The following CHM variants were observed in gnomAD, a reference collection of about 807,000 sequenced individuals.
The protein encoded by CHM is CHM Rab escort protein, also known as rab proteins geranylgeranyltransferase component A 1.
In CHM, 10 loss-of-function variants were observed where a neutral mutation model predicts 49.0. That is an observed-to-expected ratio of 0.20 (90% CI 0.13 to 0.35). CHM has a LOEUF of 0.35. Ranked by LOEUF, CHM falls within the 10% of genes least tolerant of loss-of-function variation. The pLI is 1.00. For missense variants in CHM, 455 were observed against 478.4 expected (o/e 0.95, Z 0.46); for synonymous variants, 184 against 167.5 (o/e 1.10, Z -0.76).
intron 2 of CHM, among the ~76,000 whole-genome samples, chrX:86,021,095 CAT>C (rs1234561861): frequency 2.4e-5 from 2 of 82,061 alleles, no homozygotes; most frequent in African/African-American, 4.6e-5. Flanking sequence ...TATATATACA[CAT>C]ATATATACGT....
intron 1 of CHM, among the ~76,000 whole-genome samples, chrX:86,029,209 C>T (rs1348323108): frequency 2.7e-5 from 3 of 112,082 alleles, no homozygotes; most frequent in Non-Finnish European, 3.8e-5. Context: ...ATAAGAATTT[C>T]TGGAGTAGAG....
chrX:85,879,731 G>A (rs1023575402), intron 12 of CHM, among the ~76,000 whole-genome samples: 1 of 110,988 alleles, frequency 9.0e-6, no homozygotes, highest in African/African-American at 3.3e-5. Context: ...GGTGAAGAAA[G>A]AATAAAGAGT....
intron 1 of CHM, among the ~76,000 whole-genome samples, chrX:86,042,960 A>G (rs956420035): frequency 2.7e-5 from 3 of 112,084 alleles, no homozygotes; most frequent in Non-Finnish European, 3.8e-5. Flanking sequence ...AACGAGGATA[A>G]CATTTCAACA....
chrX:85,985,753 T>C (rs1428476405), intron 2 of CHM, among the ~76,000 whole-genome samples: 2 of 112,373 alleles, frequency 1.8e-5, no homozygotes, highest in Non-Finnish European at 1.9e-5. Context: ...TCTATGTTGA[T>C]ACTTTGAGGT....
In CHM at chrX:85,878,988, A is replaced by G. The variant is rs1392027626; in HGVS notation, c.1586T>C (p.Val529Ala). The G allele has an allele frequency of 8.3e-7, 1 of 1,198,408 alleles. No individual in the cohort carries two copies. The highest frequency in any genetic ancestry group is 1.8e-5 in the South Asian group (1 of 56,263). Residue 529 changes from valine (V) to alanine (A), a missense_variant, in exon 13 of 15, where the codon GTT (valine) becomes GCT (alanine). Transcript: ENST00000357749. The part of the protein sequence containing the change: ...DLESVVQKLF[V>A]PYTEMEIENE... ...ACCTATCTCCATTTCAGTATATGGA[A>G]CAAACAATTTCTGCACAACTGATTC...
intron 2 of CHM, among the ~76,000 whole-genome samples, chrX:86,021,265 T>A (rs914096269): frequency 1.9e-5 from 2 of 103,698 alleles, no homozygotes; most frequent in Non-Finnish European, 3.9e-5. Flanking sequence ...AACAGCATTG[T>A]TAAGAGTAGT....
chrX:85,884,625 G>C (rs958867778), intron 12 of CHM, among the ~76,000 whole-genome samples: 1 of 111,138 alleles, frequency 9.0e-6, no homozygotes, highest in Non-Finnish European at 1.9e-5. Flanking sequence ...CCCATATGAT[G>C]TGAAGGTAAA....
Position 85,958,995 on chromosome X carries a change from T to C in CHM, c.703-18A>G. On this transcript the variant is annotated intron_variant, in intron 5 of 14. Coordinates refer to ENST00000357749, the MANE Select transcript of CHM (RefSeq NM_000390.4). ...TACAGCAGCTGTACAAAGAAAATAT[T>C]TTACAAGATAAAAGTTGAAATAGTA... 8.3e-7 allele frequency: 1 copy of C among 1,207,449 alleles called. No individual in the cohort carries two copies. The highest frequency in any genetic ancestry group is 1.1e-6 in the Non-Finnish European group (1 of 892,882).
intron 8 of CHM, among the ~76,000 whole-genome samples, chrX:85,938,986 T>C (rs1928950760): frequency 8.9e-6 from 1 of 112,131 alleles, no homozygotes; most frequent in Admixed American, 9.5e-5. Flanking sequence ...AATACTGTAT[T>C]TTTACTGTAC....
At chrX:85,997,863 T>C (rs751442541) in intron 2 of CHM, among the ~76,000 whole-genome samples, 1 of 110,682 alleles carries the variant, frequency 9.0e-6, no homozygotes. Flanking sequence ...GGCAGGAGAA[T>C]TGCTTGAACC....
rs1284378299 is a variant in CHM, at chrX:85,981,206, C to CTATATATATATA, written c.189+519_189+530dup. Among the ~76,000 whole-genome samples, 130 of 54,346 alleles carry CTATATATATATA rather than the reference C, an allele frequency of 2.4e-3. 2 individuals are homozygous for CTATATATATATA. Among genetic ancestry groups the CTATATATATATA allele is most frequent in the African/African-American group, 7.4e-3 (123 of 16,594 alleles). The allele number at this position is 54,346 out of a possible 115,157, so 47.2% of individuals were successfully genotyped here. On this transcript the variant is annotated intron_variant, in intron 3 of 14. Coordinates refer to ENST00000357749, the MANE Select transcript of CHM (RefSeq NM_000390.4). ...TACTCTTCAACCAACATTTCTATTT[C>CTATATATATATA]TATATATATATATAGACACACATAT...
intron 2 of CHM, chrX:86,019,800 A>C (rs1443682008): frequency 8.9e-6 from 1 of 111,915 alleles, no homozygotes; most frequent in Non-Finnish European, 1.9e-5. Context: ...TGCAGTTAGA[A>C]ATGGGGAAAA....
chrX:85,966,999 T>C (rs746672881), intron 4 of CHM, among the ~76,000 whole-genome samples: 18 of 112,132 alleles, frequency 1.6e-4, no homozygotes, highest in African/African-American at 5.2e-4. Context: ...ATCAATAAAC[T>C]ATCGTTTTAC....
At chrX:86,017,636 C>T (rs1933359356) in intron 2 of CHM, among the ~76,000 whole-genome samples, 1 of 111,701 alleles carries the variant, frequency 9.0e-6, no homozygotes, top group Non-Finnish European at 1.9e-5. Flanking sequence ...ACCTCTTTTT[C>T]TTCCCAGTCT....
In CHM at chrX:85,861,621, A is replaced by C. The variant is rs1261180463; in HGVS notation, c.*3009T>G. On this transcript the variant is annotated 3_prime_UTR_variant, in exon 15 of 15. Coordinates refer to ENST00000357749, the MANE Select transcript of CHM (RefSeq NM_000390.4). ...TTACTCCATTTTCCTATAGAAAAATATATAAATTGACCTTTTATATATACA... is the reference window on the plus strand; with the variant it reads ...TTACTCCATTTTCCTATAGAAAAATCTATAAATTGACCTTTTATATATACA... 2 of 111,967 alleles carry C rather than the reference A, an allele frequency of 1.8e-5. No homozygotes were observed. Among genetic ancestry groups the C allele is most frequent in the Middle Eastern group, 4.6e-3 (1 of 216 alleles). 9.2% of individuals were successfully genotyped at this position (111,967 alleles called of 1,213,427 possible).
intron 2 of CHM, among the ~76,000 whole-genome samples, chrX:86,012,331 CATT>C (rs1435114331): frequency 8.9e-6 from 1 of 111,732 alleles, no homozygotes; most frequent in Non-Finnish European, 1.9e-5. Context: ...GACAAAAACT[CATT>C]ATCTGAGGAA....
intron 8 of CHM, among the ~76,000 whole-genome samples, chrX:85,913,014 GAAAAAAAAAA>G (rs755460793): frequency 0.011 from 418 of 38,226 alleles, 7 homozygotes; most frequent in African/African-American, 0.038. Context: ...CTCCATCTCA[GAAAAAAAAAA>G]AAAAAAAAAA....
chrX:86,027,576 G>GT lies in CHM; in HGVS notation c.50-20dup, dbSNP rs770549171. The GT allele has an allele frequency of 4.3e-6, 5 of 1,162,116 alleles. No individual in the cohort carries two copies. The Admixed American group carries it at 1.1e-4, about 26-fold the overall frequency. On this transcript the variant is annotated intron_variant, in intron 1 of 14. Transcript: ENST00000357749. Reference sequence around the variant, plus strand: ...GGCAAACCTACAAAAACACACACCCGTATCATTTAGAATGTAGAAATATAT... The same window carrying GT: ...GGCAAACCTACAAAAACACACACCCGTTATCATTTAGAATGTAGAAATATAT...
At chrX:85,893,520 A>G (rs1170124918) in intron 12 of CHM, among the ~76,000 whole-genome samples, 1 of 112,011 alleles carries the variant, frequency 8.9e-6, no homozygotes, top group African/African-American at 3.2e-5. Flanking sequence ...GACATATGCA[A>G]TACAAAAGTA....
Sources: gnomAD v4.1 joint callset for allele counts (sites outside exome capture counted in the v4.1 genomes callset) on GRCh38, gnomAD v4.1.1 for gene constraint, MANE v1.5 for transcripts, NCBI Gene and HGNC (gene_info 2026-07-23, HGNC 2026-07-21) for gene names.